Variants in EDIL3 observed in about 807,000 individuals in gnomAD.
EDIL3 encodes the protein EGF-like repeat and discoidin I-like domain-containing protein 3.
EDIL3 carries 37 observed loss-of-function variants against 67.4 expected under a neutral mutation model. The observed-to-expected ratio is 0.55, with a 90% CI of 0.42 to 0.72. The LOEUF (loss-of-function observed/expected upper bound fraction) is 0.72. EDIL3 is among the 30% of genes least tolerant of loss of function. The pLI, the probability that EDIL3 is intolerant of heterozygous loss-of-function variation, is 0.00. For synonymous variants in EDIL3, 195 were observed against 196.3 expected (o/e 0.99, Z 0.05); for missense variants, 527 against 586.3 (o/e 0.90, Z 1.04).
chr5:84,340,528 CTCTCTCTATATATATATA>C (rs1280584992), intron 1 of EDIL3, among the ~76,000 whole-genome samples: 4 of 71,544 alleles, frequency 5.6e-5, no homozygotes, highest in African/African-American at 8.8e-5. Flanking sequence ...CTCTCTCTCT[CTCTCTCTATATATATATA>C]TATATATATA....
intron 9 of EDIL3, among the ~76,000 whole-genome samples, chr5:83,979,138 CTT>C (rs1184967208): frequency 2.0e-5 from 3 of 152,014 alleles, no homozygotes; most frequent in Non-Finnish European, 4.4e-5. Context: ...GTCTGAAACT[CTT>C]TGTAGGATGA....
chr5:83,993,228 A>C (rs1336088103), intron 9 of EDIL3, among the ~76,000 whole-genome samples: 3 of 152,156 alleles, frequency 2.0e-5, no homozygotes, highest in African/African-American at 7.2e-5. Context: ...GATAGTGTAC[A>C]GTTGCCCAAA....
chr5:84,201,035 G>A (rs1743820854), intron 3 of EDIL3, among the ~76,000 whole-genome samples: 1 of 151,946 alleles, frequency 6.6e-6, no homozygotes, highest in African/African-American at 2.4e-5. Flanking sequence ...ATTTTAACAG[G>A]TCTTTTTAAA....
chr5:84,175,220 C>G (rs1748882025), intron 4 of EDIL3, among the ~76,000 whole-genome samples: 1 of 151,804 alleles, frequency 6.6e-6, no homozygotes, highest in African/African-American at 2.4e-5. Context: ...CAACAAAAAG[C>G]TAAAAGAAGC....
At chr5:84,315,527 C>T (rs187830271) in intron 1 of EDIL3, among the ~76,000 whole-genome samples, 54 of 152,182 alleles carry the variant, frequency 3.5e-4, no homozygotes, top group Admixed American at 2.9e-3. Flanking sequence ...TTGATTTTAG[C>T]GTATCAGTGA....
chr5:84,141,944 T>TATATATATACATAC (rs1748202905), intron 4 of EDIL3, among the ~76,000 whole-genome samples: 1 of 102,696 alleles, frequency 9.7e-6, no homozygotes, highest in African/African-American at 3.9e-5. Context: ...TATATATATA[T>TATATATATACATAC]ATACATAGAT....
chr5:84,227,558 C>T (rs1041681975), intron 3 of EDIL3, among the ~76,000 whole-genome samples: 3 of 152,042 alleles, frequency 2.0e-5, no homozygotes, highest in Non-Finnish European at 2.9e-5. Flanking sequence ...ACTGTAAGAT[C>T]CAGCAATCCC....
chr5:83,990,297 G>A (rs1561395540), intron 9 of EDIL3, among the ~76,000 whole-genome samples: 1 of 151,960 alleles, frequency 6.6e-6, no homozygotes, highest in South Asian at 2.1e-4. Context: ...GACCATTTTG[G>A]CCAACCTGGT....
chr5:84,030,509 C>T (rs28534801), intron 9 of EDIL3, among the ~76,000 whole-genome samples: 1 of 151,452 alleles, frequency 6.6e-6, no homozygotes, highest in African/African-American at 2.4e-5. Context: ...ATGAAAAAAT[C>T]GCACAAGAAC....
At chr5:83,963,084 A>G (rs1445464155) in intron 10 of EDIL3, 121 bp downstream of exon 10, 1 of 1,239,332 alleles carries the variant, frequency 8.1e-7, no homozygotes, top group African/African-American at 1.5e-5. Context: ...TATTTAACAT[A>G]TATTTTCAGT....
At chr5:84,025,803 G>A (rs1164471910) in intron 9 of EDIL3, among the ~76,000 whole-genome samples, 1 of 152,156 alleles carries the variant, frequency 6.6e-6, no homozygotes, top group Admixed American at 6.5e-5. Context: ...TATGTAATAG[G>A]ATATTATTTT....
rs10069863 is a variant in EDIL3, at chr5:84,024,730, T to G, written c.1137+35570A>C. Among the ~76,000 whole-genome samples the G allele has an allele frequency of 8.6e-3, 1,307 of 152,170 alleles. 20 individuals are homozygous for G. The highest frequency in any genetic ancestry group is 0.03 in the African/African-American group (1,233 of 41,548). On this transcript the variant is annotated intron_variant, in intron 9 of 10. Coordinates refer to ENST00000296591, the MANE Select transcript of EDIL3 (RefSeq NM_005711.5). ...TTAGTATTTCACACAACATGAAATA[T>G]CAAAATACGGTAGCTCTAGGGTTGC...
At chr5:84,237,542 T>C (rs1031258379) in intron 2 of EDIL3, among the ~76,000 whole-genome samples, 3 of 152,152 alleles carry the variant, frequency 2.0e-5, no homozygotes, top group Non-Finnish European at 2.9e-5. Context: ...ACTAAGTCTT[T>C]AGTGAATAAT....
At position 84,242,016 on chromosome 5, in the gene EDIL3, C is replaced by T. The variant is rs573142866; in HGVS notation, c.196+12068G>A. ...TGGGCAGATCACGAAGTCAGGAGATCGAGACCATCCTGGCTAAAACAGTGA... is the reference window on the plus strand; with the variant it reads ...TGGGCAGATCACGAAGTCAGGAGATTGAGACCATCCTGGCTAAAACAGTGA... On this transcript the variant is annotated intron_variant, in intron 2 of 10. Transcript: ENST00000296591. Among the ~76,000 whole-genome samples, 2 of 146,134 alleles carry T rather than the reference C, an allele frequency of 1.4e-5. 1 individual carries two copies. The highest frequency in any genetic ancestry group is 4.3e-4 in the South Asian group (2 of 4,686).
At chr5:84,200,129 T>C (rs1243848599) in intron 3 of EDIL3, among the ~76,000 whole-genome samples, 1 of 152,102 alleles carries the variant, frequency 6.6e-6, no homozygotes, top group African/African-American at 2.4e-5. Flanking sequence ...TTATAGATAT[T>C]GTATGATTTA....
intron 3 of EDIL3, among the ~76,000 whole-genome samples, chr5:84,228,303 T>C (rs1430296211): frequency 6.6e-6 from 1 of 152,106 alleles, no homozygotes; most frequent in Non-Finnish European, 1.5e-5. Flanking sequence ...GCTTGAATTA[T>C]GTGTCAAGTA....
At chr5:84,033,873 T>C (rs1481834658) in intron 9 of EDIL3, among the ~76,000 whole-genome samples, 71 of 152,074 alleles carry the variant, frequency 4.7e-4, no homozygotes, top group Non-Finnish European at 5.9e-5. Flanking sequence ...CTCTGAGTTG[T>C]ATGTGACGTT....
chr5:84,372,621 G>T (rs1352658906), intron 1 of EDIL3, among the ~76,000 whole-genome samples: 1 of 152,156 alleles, frequency 6.6e-6, no homozygotes, highest in Non-Finnish European at 1.5e-5. Context: ...GAATTCTTCC[G>T]TGGATTTGGG....
At chr5:84,114,204 G>A (rs1030782351) in intron 5 of EDIL3, among the ~76,000 whole-genome samples, 3 of 113,518 alleles carry the variant, frequency 2.6e-5, no homozygotes, top group African/African-American at 1.0e-4. Flanking sequence ...CCATGCATTT[G>A]ATTTGATTTC....
Sources: allele counts gnomAD v4.1 joint callset (sites outside exome capture counted in the v4.1 genomes callset), GRCh38; gene constraint gnomAD v4.1.1; transcripts MANE v1.5; gene names NCBI Gene and HGNC (gene_info 2026-07-23, HGNC 2026-07-21).